Variants in SPRED2 observed in about 807,000 individuals in gnomAD.
The protein encoded by SPRED2 is sprouty related EVH1 domain containing 2.
SPRED2 carries 47 observed loss-of-function variants against 43.0 expected under a neutral mutation model. The ratio of observed to expected loss-of-function variants is 1.09; its 90% CI spans 0.87 to 1.40. The LOEUF (loss-of-function observed/expected upper bound fraction) is 1.40. Among genes scored for constraint, SPRED2 ranks in the 40% most tolerant of loss-of-function variants. SPRED2 has a pLI of 0.00. For missense variants in SPRED2, 561 were observed against 586.4 expected (o/e 0.96, Z 0.45); for synonymous variants, 225 against 225.7 (o/e 1.00, Z 0.03).
chr2:65,368,244 A>G (rs1188719350), intron 1 of SPRED2, among the ~76,000 whole-genome samples: 1 of 152,200 alleles, frequency 6.6e-6, no homozygotes, highest in African/African-American at 2.4e-5. Context: ...ACTGGCTCCA[A>G]ATGGTTGGGA....
chr2:65,361,553 C>A (rs555871996), intron 1 of SPRED2, among the ~76,000 whole-genome samples: 36 of 152,312 alleles, frequency 2.4e-4, no homozygotes, highest in African/African-American at 8.7e-4. Context: ...CATGATTAGT[C>A]CCTTTTCATC....
intron 4 of SPRED2, among the ~76,000 whole-genome samples, chr2:65,328,872 G>GA (rs1418156267): frequency 6.6e-6 from 1 of 152,132 alleles, no homozygotes; most frequent in Non-Finnish European, 1.5e-5. Context: ...AGAGTAGGTA[G>GA]AAAAAAACTC....
intron 1 of SPRED2, among the ~76,000 whole-genome samples, chr2:65,391,228 ACG>A (rs1491239662): frequency 6.7e-6 from 1 of 149,784 alleles, no homozygotes; most frequent in African/African-American, 2.4e-5. Context: ...ACACACACAC[ACG>A]AATCATTAAT....
At chr2:65,343,966 G>T (rs1674261567) in intron 2 of SPRED2, among the ~76,000 whole-genome samples, 1 of 151,956 alleles carries the variant, frequency 6.6e-6, no homozygotes, top group African/African-American at 2.4e-5. Context: ...AGCCAATATG[G>T]TGAAACTCTG....
intron 2 of SPRED2, among the ~76,000 whole-genome samples, chr2:65,336,130 G>T (rs1673960197): frequency 6.6e-6 from 1 of 152,200 alleles, no homozygotes; most frequent in Admixed American, 6.5e-5. Context: ...TGAGGCAAGA[G>T]GATCACTTGA....
intron 1 of SPRED2, among the ~76,000 whole-genome samples, chr2:65,352,786 G>C (rs1674548694): frequency 6.6e-6 from 1 of 152,136 alleles, no homozygotes; most frequent in African/African-American, 2.4e-5. Context: ...AACACGCCCA[G>C]CTAATTTTTG....
intron 1 of SPRED2, chr2:65,366,839 A>G (rs537179906): frequency 2.5e-6 from 3 of 1,193,166 alleles, no homozygotes. Context: ...CACATTCAAC[A>G]TCCTGCTTCT....
At chr2:65,379,531 T>A (rs1001968936) in intron 1 of SPRED2, among the ~76,000 whole-genome samples, 1 of 152,198 alleles carries the variant, frequency 6.6e-6, no homozygotes, top group African/African-American at 2.4e-5. Flanking sequence ...GATTCTGGTG[T>A]CATTCTCAGA....
intron 1 of SPRED2, among the ~76,000 whole-genome samples, chr2:65,404,765 A>G (rs1675983510): frequency 6.6e-6 from 1 of 152,140 alleles, no homozygotes; most frequent in Non-Finnish European, 1.5e-5. Flanking sequence ...GTCTATAAAA[A>G]ACACGTGCCT....
intron 1 of SPRED2, among the ~76,000 whole-genome samples, chr2:65,363,561 G>C (rs1674887530): frequency 1.3e-5 from 2 of 152,208 alleles, no homozygotes; most frequent in African/African-American, 4.8e-5. Context: ...ATCCCACCCA[G>C]TATGGCAGAA....
intron 1 of SPRED2, among the ~76,000 whole-genome samples, chr2:65,398,727 G>T (rs541734531): frequency 3.4e-4 from 52 of 152,266 alleles, no homozygotes; most frequent in African/African-American, 1.2e-3. Context: ...AATAGATGTT[G>T]GTGTGGATGT....
chr2:65,403,255 A>T (rs1675947093), intron 1 of SPRED2, among the ~76,000 whole-genome samples: 1 of 152,228 alleles, frequency 6.6e-6, no homozygotes, highest in Non-Finnish European at 1.5e-5. Flanking sequence ...GTCAACATTT[A>T]GAATAAGATC....
intron 1 of SPRED2, among the ~76,000 whole-genome samples, chr2:65,402,034 G>A (rs1190952614): frequency 6.6e-6 from 1 of 150,572 alleles, no homozygotes; most frequent in Non-Finnish European, 1.5e-5. Flanking sequence ...GGAGGATCAG[G>A]TATTTCATAC....
At chr2:65,367,278 T>C (rs1265325936) in intron 1 of SPRED2, among the ~76,000 whole-genome samples, 1 of 152,150 alleles carries the variant, frequency 6.6e-6, no homozygotes, top group Non-Finnish European at 1.5e-5. Flanking sequence ...TTGAAGTATG[T>C]TAGGGGTAAA....
intron 1 of SPRED2, among the ~76,000 whole-genome samples, chr2:65,430,004 T>C (rs1267476487): frequency 6.6e-6 from 1 of 152,166 alleles, no homozygotes. Context: ...GTCAGGCCTG[T>C]ATTCCCAAGG....
chr2:65,418,335 T>A (rs1315535457), intron 1 of SPRED2, among the ~76,000 whole-genome samples: 2 of 152,052 alleles, frequency 1.3e-5, no homozygotes, highest in Non-Finnish European at 2.9e-5. Flanking sequence ...TTCTCTGAGC[T>A]CCCCCAGCAT....
chr2:65,366,184 C>T (rs1383038621), intron 1 of SPRED2, among the ~76,000 whole-genome samples: 9 of 152,152 alleles, frequency 5.9e-5, no homozygotes, highest in Admixed American at 5.9e-4. Context: ...AGACCACCTC[C>T]TTCAGCTCAC....
At chr2:65,367,976 T>C (rs1194124130) in intron 1 of SPRED2, among the ~76,000 whole-genome samples, 1 of 151,968 alleles carries the variant, frequency 6.6e-6, no homozygotes, top group Non-Finnish European at 1.5e-5. Flanking sequence ...AAAATCCAGA[T>C]ATGGAAGCTC....
At chr2:65,337,769 A>T (rs1369839646) in intron 2 of SPRED2, among the ~76,000 whole-genome samples, 1 of 152,218 alleles carries the variant, frequency 6.6e-6, no homozygotes, top group Non-Finnish European at 1.5e-5. Context: ...ATACTAACGG[A>T]CATTTATGTC....
Sources: allele counts gnomAD v4.1 joint callset (sites outside exome capture counted in the v4.1 genomes callset), GRCh38; gene constraint gnomAD v4.1.1; transcripts MANE v1.5; gene names NCBI Gene and HGNC (gene_info 2026-07-23, HGNC 2026-07-21).